Variants in LRRC69 observed in about 807,000 individuals in gnomAD.
LRRC69 encodes leucine-rich repeat-containing protein 69.
A neutral mutation model predicts 37.8 loss-of-function variants in LRRC69; 42 were observed. That is an observed-to-expected ratio of 1.11 (90% CI 0.87 to 1.44). The LOEUF (loss-of-function observed/expected upper bound fraction) is 1.44, where lower values mean the gene tolerates loss of function less well. Among genes scored for constraint, LRRC69 ranks in the 40% most tolerant of loss-of-function variants. LRRC69 has a pLI of 0.00. For synonymous variants in LRRC69, 141 were observed against 143.1 expected, an observed-to-expected ratio of 0.99 and a Z score of 0.11; for missense variants, 357 against 401.9, an observed-to-expected ratio of 0.89 and a Z score of 0.96.
chr8:91,200,568 G>C, intron 6 of LRRC69, 45 bp from the exon 7 acceptor site: 3 of 1,230,852 alleles, frequency 2.4e-6, no homozygotes, highest in Non-Finnish European at 2.2e-6. Context: ...ATGTAAAATA[G>C]TTTTGAAAAC....
chr8:91,176,607 C>T (rs75996180), intron 5 of LRRC69, among the ~76,000 whole-genome samples: 9,031 of 152,154 alleles, frequency 0.059, 372 homozygotes, highest in African/African-American at 0.11. Flanking sequence ...AGCTGAAGGC[C>T]CAGGAAAGCC....
chr8:91,212,762 AAG>A (rs1234566417), intron 7 of LRRC69, among the ~76,000 whole-genome samples: 10 of 152,196 alleles, frequency 6.6e-5, no homozygotes, highest in Non-Finnish European at 1.0e-4. Flanking sequence ...ATTAGGTACT[AAG>A]AGGATCAGAA....
At chr8:91,143,881 A>G (rs1200096800) in intron 5 of LRRC69, among the ~76,000 whole-genome samples, 4 of 151,934 alleles carry the variant, frequency 2.6e-5, no homozygotes, top group Non-Finnish European at 2.9e-5. Flanking sequence ...ACAAAAATTA[A>G]ATTTGCCTAG....
intron 1 of LRRC69, among the ~76,000 whole-genome samples, chr8:91,115,802 G>A (rs1468991254): frequency 6.6e-6 from 1 of 151,696 alleles, no homozygotes. Flanking sequence ...TGAGTTCTGA[G>A]GGTGAAACAA....
In LRRC69 at chr8:91,197,600, G is replaced by A. The variant is rs1406126021; in HGVS notation, c.754-3013G>A. On this transcript the variant is annotated intron_variant, in intron 6 of 7. Transcript: ENST00000448384. Reference sequence around the variant, plus strand: ...CGCAGTATTAGGGTGGGAGTGACCCGATTTTCCAGATGCCGTCCGACACCC... The same window carrying A: ...CGCAGTATTAGGGTGGGAGTGACCCAATTTTCCAGATGCCGTCCGACACCC... 9.2e-5 allele frequency among the ~76,000 whole-genome samples: 14 copies of A among 152,136 alleles called. 1 individual carries two copies. Among genetic ancestry groups the A allele is most frequent in the Admixed American group, 8.5e-4 (13 of 15,286 alleles).
At chr8:91,136,023 T>C (rs1362321052) in intron 5 of LRRC69, among the ~76,000 whole-genome samples, 1 of 152,048 alleles carries the variant, frequency 6.6e-6, no homozygotes, top group Non-Finnish European at 1.5e-5. Flanking sequence ...ACACTGCTTT[T>C]GGTCACCTCT....
intron 6 of LRRC69, among the ~76,000 whole-genome samples, chr8:91,191,660 G>A (rs1389569447): frequency 6.6e-6 from 1 of 152,038 alleles, no homozygotes; most frequent in Admixed American, 6.6e-5. Flanking sequence ...ATGGAGACAG[G>A]GTCATCCTGG....
intron 5 of LRRC69, among the ~76,000 whole-genome samples, chr8:91,140,540 CA>C (rs1360465913): frequency 2.7e-5 from 4 of 150,816 alleles, no homozygotes; most frequent in Non-Finnish European, 5.9e-5. Flanking sequence ...TAAAAAAATT[CA>C]ATGTATACTG....
chr8:91,163,008 T>C (rs1450451298), intron 5 of LRRC69, among the ~76,000 whole-genome samples: 1 of 151,384 alleles, frequency 6.6e-6, no homozygotes, highest in African/African-American at 2.4e-5. Context: ...ACTTTTCATT[T>C]ATCTCCTGAA....
chr8:91,154,191 A>G (rs990559815), intron 5 of LRRC69, among the ~76,000 whole-genome samples: 1 of 151,878 alleles, frequency 6.6e-6, no homozygotes, highest in African/African-American at 2.4e-5. Context: ...TGAATAGACC[A>G]ATAACAAGTT....
intron 7 of LRRC69, among the ~76,000 whole-genome samples, chr8:91,203,510 G>A (rs988671546): frequency 1.3e-5 from 2 of 151,078 alleles, no homozygotes; most frequent in African/African-American, 4.9e-5. Flanking sequence ...CTCCTGCCTC[G>A]GCCTCTCAAG....
intron 1 of LRRC69, among the ~76,000 whole-genome samples, chr8:91,117,782 C>T (rs1056300336): frequency 1.3e-5 from 2 of 151,564 alleles, no homozygotes; most frequent in African/African-American, 4.8e-5. Context: ...TGTTGTCATC[C>T]GCCAGAGGGA....
chr8:91,204,448 A>T (rs1809764962), intron 7 of LRRC69, among the ~76,000 whole-genome samples: 1 of 152,356 alleles, frequency 6.6e-6, no homozygotes, highest in Admixed American at 6.5e-5. Flanking sequence ...AAACACCTTA[A>T]TATGGCCTCT....
chr8:91,167,076 G>C (rs942986450), intron 5 of LRRC69, among the ~76,000 whole-genome samples: 1 of 151,874 alleles, frequency 6.6e-6, no homozygotes, highest in African/African-American at 2.4e-5. Flanking sequence ...AAAGCAAGAG[G>C]AGGGCACCAT....
chr8:91,175,049 T>C (rs954600478), intron 5 of LRRC69, among the ~76,000 whole-genome samples: 2 of 152,198 alleles, frequency 1.3e-5, no homozygotes, highest in African/African-American at 2.4e-5. Flanking sequence ...GAGGGACTTA[T>C]CTATCTGCCA....
At chr8:91,171,349 TAAAC>T (rs1357674159) in intron 5 of LRRC69, among the ~76,000 whole-genome samples, 2 of 152,000 alleles carry the variant, frequency 1.3e-5, no homozygotes, top group East Asian at 3.9e-4. Flanking sequence ...CGGAGGATCA[TAAAC>T]AATTATAATA....
At chr8:91,211,080 C>A (rs1256659125) in intron 7 of LRRC69, among the ~76,000 whole-genome samples, 1 of 152,002 alleles carries the variant, frequency 6.6e-6, no homozygotes, top group Non-Finnish European at 1.5e-5. Flanking sequence ...CCAGAAAAAA[C>A]AATGGCATAC....
intron 5 of LRRC69, among the ~76,000 whole-genome samples, chr8:91,156,635 CT>C (rs1325024780): frequency 2.7e-5 from 4 of 150,780 alleles, no homozygotes; most frequent in Non-Finnish European, 4.5e-5. Context: ...TTTTAATTCT[CT>C]TTTTAAAAAA....
In LRRC69 at chr8:91,114,976, A is replaced by G. The variant is rs936063035; in HGVS notation, c.184-9517A>G. Among the ~76,000 whole-genome samples the G allele has an allele frequency of 7.2e-5, 11 of 152,186 alleles. No individual in the cohort carries two copies. The South Asian group carries it at 1.0e-3, about 14-fold the overall frequency. On this transcript the variant is annotated intron_variant, in intron 1 of 7. Coordinates refer to ENST00000448384, the Ensembl canonical transcript of LRRC69. ...AGACAAATACTACATGATTTCATTT[A>G]TACATGGAATATAAAAATGTCAGAC...
Sources: allele counts gnomAD v4.1 joint callset (sites outside exome capture counted in the v4.1 genomes callset), GRCh38; gene constraint gnomAD v4.1.1; transcripts MANE v1.5; gene names NCBI Gene and HGNC (gene_info 2026-07-23, HGNC 2026-07-21).